UBN1: variants seen among roughly 807,000 people sequenced by gnomAD.
UBN1 encodes the protein ubinuclein-1.
Under a neutral mutation model 108.5 loss-of-function variants are expected in UBN1, and 17 were observed. The observed-to-expected ratio is 0.16, with a 90% confidence interval of 0.11 to 0.24. The LOEUF is 0.24. Ranked by LOEUF, UBN1 falls within the 10% of genes least tolerant of loss-of-function variation. The probability of loss-of-function intolerance (pLI) is 1.00; values close to 1 mark genes in which losing one functional copy is unlikely to be tolerated. For synonymous variants in UBN1, 726 were observed against 564.2 expected (o/e 1.29, Z -4.07); for missense variants, 1,595 against 1,394.4 (o/e 1.14, Z -2.29).
At chr16:4,879,188 T>C (rs2088004107) in intron 17 of UBN1, among the ~76,000 whole-genome samples, 1 of 152,188 alleles carries the variant, frequency 6.6e-6, no homozygotes, top group Non-Finnish European at 1.5e-5. Context: ...TGAAAAACGT[T>C]TGAGATGATG....
intron 1 of UBN1, among the ~76,000 whole-genome samples, chr16:4,851,460 A>C (rs1181842031): frequency 6.6e-6 from 1 of 152,150 alleles, no homozygotes; most frequent in Non-Finnish European, 1.5e-5. Flanking sequence ...AAAAAACAAA[A>C]AACCTATATA....
intron 17 of UBN1, among the ~76,000 whole-genome samples, chr16:4,879,627 A>C (rs146816115): frequency 1.3e-5 from 2 of 152,328 alleles, no homozygotes; most frequent in Non-Finnish European, 2.9e-5. Flanking sequence ...CAGCTGCGTG[A>C]CTTGTGTCTG....
rs1244229020 is a variant in UBN1 at position 4,852,989 on chromosome 16, C to T, written c.72C>T (p.Ser24=). The T allele has an allele frequency of 6.2e-7, 1 of 1,613,996 alleles. No individual in the cohort carries two copies. Among genetic ancestry groups the T allele is most frequent in the Admixed American group, 1.7e-5 (1 of 59,998 alleles). ...GSLNPAFLKK[S]RKEEAGAGEQ... ...TGAATCCTGCGTTTTTGAAGAAGTC[C>T]CGGAAGGAGGAGGCTGGGGCAGGAG... Residue 24 remains serine, a synonymous_variant, in exon 2 of 18, where the codon TCC becomes TCT. Transcript: ENST00000262376.
chr16:4,868,038 A>G (rs1361337082), intron 7 of UBN1, among the ~76,000 whole-genome samples: 1 of 152,182 alleles, frequency 6.6e-6, no homozygotes, highest in Non-Finnish European at 1.5e-5. Context: ...TCTCCTTTCC[A>G]GAGACTGTGA....
rs747051828 is a variant in UBN1 at position 4,871,198 on chromosome 16, G to A, written c.1603G>A (p.Asp535Asn). The A allele has an allele frequency of 8.9e-5, 143 of 1,614,114 alleles. 3 individuals carry two copies. The South Asian group carries it at 1.3e-3, about 14-fold the overall frequency. ...GGTGAAGATCAAACTGGAGAGCCAGGACCTGGAGAGGAACAACAAAGCCCA... is the reference window on the plus strand; with the variant it reads ...GGTGAAGATCAAACTGGAGAGCCAGAACCTGGAGAGGAACAACAAAGCCCA... ...QVVKIKLESQ[D>N]LERNNKAQAW... The change falls in exon 12 of 18, where the codon GAC (aspartate) becomes AAC (asparagine). Residue 535 changes from aspartate to asparagine, a missense_variant. By Grantham distance (23) the Asp-to-Asn change is conservative. This residue lies in a region of UBN1 where 1,398 missense variants were observed against 1,194.7 expected (regional missense o/e 1.17). Coordinates refer to ENST00000262376, the MANE Select transcript of UBN1 (RefSeq NM_001079514.3).
chr16:4,864,075 CTTT>C (rs796516323), intron 7 of UBN1, among the ~76,000 whole-genome samples: 5 of 86,428 alleles, frequency 5.8e-5, no homozygotes, highest in African/African-American at 1.5e-4. Context: ...TTGTTGTTGC[CTTT>C]TTTTTTTTTT....
At chr16:4,873,118 C>T in intron 14 of UBN1, 45 bp downstream of exon 14, 5 of 1,612,200 alleles carry the variant, frequency 3.1e-6, no homozygotes, top group Non-Finnish European at 4.2e-6. Flanking sequence ...GCCCATCTCC[C>T]TACAACTATG....
In UBN1 at chr16:4,864,129, G is replaced by T. The variant is rs1371637555; in HGVS notation, c.1110+3027G>T. Among the ~76,000 whole-genome samples, 3 of 137,864 alleles carry T rather than the reference G, an allele frequency of 2.2e-5. No homozygotes were observed. In the Admixed American group the frequency reaches 2.3e-4, roughly 11 times the overall value. The allele number at this position is 137,864 out of a possible 152,430, so 90.4% of individuals were successfully genotyped here. On this transcript the variant is annotated intron_variant, in intron 7 of 17. Transcript: ENST00000262376. The stretch of plus-strand genomic sequence containing the variant: ...AGAGTCTGACTCCATCACCCAGGCT[G>T]GAGTGCAGTGGTGCAATCTCAGCTC...
chr16:4,848,699 G>T (rs1352030401), intron 1 of UBN1, among the ~76,000 whole-genome samples: 1 of 152,216 alleles, frequency 6.6e-6, no homozygotes, highest in Non-Finnish European at 1.5e-5. Flanking sequence ...GATCTTTAAA[G>T]CGTATTTAAG....
At chr16:4,869,246 T>TGAA (rs2087487843) in intron 8 of UBN1, among the ~76,000 whole-genome samples, 1 of 152,146 alleles carries the variant, frequency 6.6e-6, no homozygotes, top group African/African-American at 2.4e-5. Flanking sequence ...CTGAGAATCC[T>TGAA]GAAGAATGAG....
At position 4,881,016 on chromosome 16, in the gene UBN1, A is replaced by T. The variant is rs1418378338; in HGVS notation, c.*884A>T. 1.3e-5 allele frequency: 2 copies of T among 152,472 alleles called. No individual in the cohort carries two copies. The highest frequency in any genetic ancestry group is 6.5e-5 in the Admixed American group (1 of 15,272). 9.4% of individuals were successfully genotyped at this position (152,472 alleles called of 1,614,324 possible). On this transcript the variant is annotated 3_prime_UTR_variant, in exon 18 of 18. Coordinates refer to ENST00000262376, the MANE Select transcript of UBN1 (RefSeq NM_001079514.3). ...GAGTTTTTTACACTTGCACATCATTATCTGTGCCGTCCTGACTAGAAGGTT... is the reference window on the plus strand; with the variant it reads ...GAGTTTTTTACACTTGCACATCATTTTCTGTGCCGTCCTGACTAGAAGGTT...
intron 7 of UBN1, among the ~76,000 whole-genome samples, chr16:4,866,603 C>A (rs1224574317): frequency 2.0e-5 from 3 of 152,226 alleles, no homozygotes; most frequent in Admixed American, 6.5e-5. Context: ...ACCTCCACGC[C>A]CAGGGCTCAA....
chr16:4,853,969 A>G (rs548022593), intron 2 of UBN1, among the ~76,000 whole-genome samples: 79 of 152,304 alleles, frequency 5.2e-4, no homozygotes, highest in African/African-American at 1.9e-3. Flanking sequence ...CTGCCAGAAG[A>G]CTACCTCAAT....
chr16:4,864,452 G>C (rs2087224765), intron 7 of UBN1, among the ~76,000 whole-genome samples: 1 of 152,190 alleles, frequency 6.6e-6, no homozygotes, highest in Non-Finnish European at 1.5e-5. Context: ...TGATGCCTCT[G>C]CCACGTTCAC....
At chr16:4,876,799 G>A (rs2087907199) in intron 15 of UBN1, 72 bp from the exon 16 acceptor site, 1 of 1,520,268 alleles carries the variant, frequency 6.6e-7, no homozygotes, top group African/African-American at 1.4e-5. Context: ...GATCCTTTGT[G>A]TTGCCAGGTT....
intron 2 of UBN1, among the ~76,000 whole-genome samples, chr16:4,857,185 C>G (rs559056820): frequency 6.4e-4 from 96 of 150,802 alleles, no homozygotes; most frequent in Non-Finnish European, 7.5e-4. Flanking sequence ...ATACAAAAAA[C>G]TTAAAAAAAA....
intron 7 of UBN1, among the ~76,000 whole-genome samples, chr16:4,864,989 C>CGGG (rs1325093188): frequency 6.6e-6 from 1 of 152,178 alleles, no homozygotes; most frequent in Non-Finnish European, 1.5e-5. Context: ...CTACAGGTGA[C>CGGG]TTTTCTTAGA....
At position 4,881,058 on chromosome 16, in the gene UBN1, TC is replaced by T. The variant is rs1322011731; in HGVS notation, c.*928del. On this transcript the variant is annotated 3_prime_UTR_variant, in exon 18 of 18. Coordinates refer to ENST00000262376, the MANE Select transcript of UBN1 (RefSeq NM_001079514.3). ...TAGAAGGTTGTCTGGGCCCCCAAATTCCAAGTCCCAGTATAGCCAGGGCTCC... is the reference window on the plus strand; with the variant it reads ...TAGAAGGTTGTCTGGGCCCCCAAATTCAAGTCCCAGTATAGCCAGGGCTCC... The T allele has an allele frequency of 6.6e-6, 1 of 152,538 alleles. No individual in the cohort carries two copies. Among genetic ancestry groups the T allele is most frequent in the East Asian group, 1.9e-4 (1 of 5,196 alleles). The allele number at this position is 152,538 out of a possible 1,614,324, so 9.4% of individuals were successfully genotyped here.
chr16:4,869,211 G>C (rs865969454), intron 8 of UBN1, among the ~76,000 whole-genome samples: 1 of 152,198 alleles, frequency 6.6e-6, no homozygotes, highest in African/African-American at 2.4e-5. Flanking sequence ...GATGAGGAGA[G>C]AGAGAAGGTG....
Sources: allele counts gnomAD v4.1 joint callset (sites outside exome capture counted in the v4.1 genomes callset), GRCh38; gene constraint gnomAD v4.1.1; regional missense constraint gnomAD v4.1.1; transcripts MANE v1.5; gene names NCBI Gene and HGNC (gene_info 2026-07-23, HGNC 2026-07-21).